Variants in GAS7 observed in about 807,000 individuals in gnomAD.
The protein encoded by GAS7 is growth arrest specific 7, also known as growth arrest-specific protein 7.
A neutral mutation model predicts 71.1 loss-of-function variants in GAS7; 28 were observed. That is an observed-to-expected ratio of 0.39 (90% CI 0.29 to 0.54). The LOEUF is 0.54. Among genes scored for constraint, GAS7 ranks in the 20% least tolerant of loss-of-function variants. GAS7 has a pLI of 0.62. For synonymous variants in GAS7, 258 were observed against 245.8 expected, an observed-to-expected ratio of 1.05 and a Z score of -0.46; for missense variants, 436 against 627.8, an observed-to-expected ratio of 0.69 and a Z score of 3.27.
intron 11 of GAS7, chr17:9,924,881 T>C (rs1263304048): frequency 2.6e-5 from 4 of 152,208 alleles, no homozygotes. Flanking sequence ...CCAGGCCTTC[T>C]CTTCCTCTTT....
rs2067471952 is a variant in GAS7, at chr17:9,912,728, G to A, written c.*4500C>T. 8.6e-6 allele frequency: 2 copies of A among 232,802 alleles called. No homozygotes were observed. The highest frequency in any genetic ancestry group is 1.1e-4 in the Admixed American group (2 of 17,770). 14.4% of individuals were successfully genotyped at this position (232,802 alleles called of 1,614,324 possible). Reference sequence around the variant, plus strand: ...TTGTGGGCACAGCTGGCATTTGGAGGAGGAGCCTGGGGAACTGAAGGAAGC... The same window carrying A: ...TTGTGGGCACAGCTGGCATTTGGAGAAGGAGCCTGGGGAACTGAAGGAAGC... On this transcript the variant is annotated 3_prime_UTR_variant, in exon 14 of 14. Coordinates refer to ENST00000432992, the MANE Select transcript of GAS7 (RefSeq NM_201433.2).
chr17:9,999,469 G>T (rs1197541633), intron 2 of GAS7, among the ~76,000 whole-genome samples: 1 of 151,824 alleles, frequency 6.6e-6, no homozygotes, highest in Non-Finnish European at 1.5e-5. Flanking sequence ...AGTGAGCCGA[G>T]ATTGTGCCAC....
chr17:9,947,061 C>T lies in GAS7; in HGVS notation c.526-78G>A, dbSNP rs576219627. On this transcript the variant is annotated intron_variant, in intron 5 of 13. Coordinates refer to ENST00000432992, the MANE Select transcript of GAS7 (RefSeq NM_201433.2). The stretch of plus-strand genomic sequence containing the variant: ...GGAAGGCTTCGGCTCCTGGGGGACA[C>T]GGCACTGGAGCAGCCTCCCTATTGA... 2.4e-4 allele frequency: 223 copies of T among 928,402 alleles called. No homozygotes were observed. In the East Asian group the frequency reaches 3.6e-3, roughly 15 times the overall value. The allele number at this position is 928,402 out of a possible 1,614,324, so 57.5% of individuals were successfully genotyped here.
At chr17:9,947,149 G>A (rs1339785995) in intron 5 of GAS7, among the ~76,000 whole-genome samples, 166 bp from the exon 6 acceptor site, 3 of 152,146 alleles carry the variant, frequency 2.0e-5, no homozygotes, top group Non-Finnish European at 4.4e-5. Context: ...GCGGCAACAG[G>A]TGCTCACCCC....
chr17:10,031,803 G>A (rs1332903272), intron 1 of GAS7, among the ~76,000 whole-genome samples: 2 of 152,244 alleles, frequency 1.3e-5, no homozygotes, highest in African/African-American at 4.8e-5. Context: ...CCCCAGCGGC[G>A]CCATACGGCA....
intron 1 of GAS7, among the ~76,000 whole-genome samples, chr17:10,148,614 G>GAA (rs539823559): frequency 4.3e-5 from 3 of 70,402 alleles, no homozygotes; most frequent in Non-Finnish European, 3.1e-5. Flanking sequence ...AAACACTCAA[G>GAA]AAAAAAAAAA....
intron 1 of GAS7, among the ~76,000 whole-genome samples, chr17:10,119,802 G>T (rs558180005): frequency 2.2e-4 from 34 of 152,322 alleles, no homozygotes; most frequent in Admixed American, 1.9e-3. Context: ...CAACGAGTGG[G>T]TCCTTCAGGC....
chr17:10,113,899 C>A (rs1020390890), intron 1 of GAS7, among the ~76,000 whole-genome samples: 1 of 152,090 alleles, frequency 6.6e-6, no homozygotes, highest in African/African-American at 2.4e-5. Flanking sequence ...GGTATACATA[C>A]TGACCAAACA....
In GAS7 at chr17:9,918,399, C is replaced by T. The variant is rs35384557; in HGVS notation, c.1219-300G>A. Among the ~76,000 whole-genome samples, 51,419 of 152,140 alleles carry T rather than the reference C, an allele frequency of 0.34. 10,636 individuals carry two copies. The highest frequency in any genetic ancestry group is 0.47 in the Non-Finnish European group (32,026 of 67,968). ...TCGTTTCTGTTATTATCCCCATTCT[C>T]CAAGCAAGGGAACTGGGGAACTAAC... On this transcript the variant is annotated intron_variant, in intron 12 of 13. Transcript: ENST00000432992.
Position 9,918,005 on chromosome 17 carries a change from T to C in GAS7, c.1313A>G (p.Gln438Arg). Residue 438 changes from glutamine to arginine, a missense_variant, in exon 13 of 14, where the codon CAA becomes CGA. Gln to Arg is a conservative substitution (Grantham distance 43). Coordinates refer to ENST00000432992, the MANE Select transcript of GAS7 (RefSeq NM_201433.2). ...CCCGCTGGGCTGGAAACTCACGCTT[T>C]GGTTGAACATGTCTGTTTCATGCCG... ...QLRHETDMFN[Q>R]STVEPVDQLL... 2 of 1,611,448 alleles carry C rather than the reference T, an allele frequency of 1.2e-6. No individual in the cohort carries two copies. Among genetic ancestry groups the C allele is most frequent in the Non-Finnish European group, 1.7e-6 (2 of 1,177,772 alleles).
chr17:10,092,851 T>G (rs1279915418), intron 1 of GAS7, among the ~76,000 whole-genome samples: 1 of 152,192 alleles, frequency 6.6e-6, no homozygotes. Flanking sequence ...CACCTTCTCC[T>G]CTGTATGTGT....
chr17:10,133,460 T>C (rs2074014850), intron 1 of GAS7, among the ~76,000 whole-genome samples: 1 of 152,116 alleles, frequency 6.6e-6, no homozygotes, highest in Non-Finnish European at 1.5e-5. Flanking sequence ...ATTGTATATA[T>C]TTATGGTGTA....
At chr17:9,989,475 C>T (rs944250202) in intron 2 of GAS7, among the ~76,000 whole-genome samples, 6 of 152,094 alleles carry the variant, frequency 3.9e-5, no homozygotes, top group African/African-American at 1.5e-4. Context: ...TATGCCATTC[C>T]ATCTTTAGTT....
At chr17:9,918,676 G>C (rs903572974) in intron 12 of GAS7, among the ~76,000 whole-genome samples, 1 of 152,226 alleles carries the variant, frequency 6.6e-6, no homozygotes, top group African/African-American at 2.4e-5. Flanking sequence ...GGCCGCAATA[G>C]AGACCGGGCC....
intron 1 of GAS7, among the ~76,000 whole-genome samples, chr17:10,178,828 G>C (rs1206315546): frequency 6.8e-6 from 1 of 147,874 alleles, no homozygotes; most frequent in Non-Finnish European, 1.5e-5. Context: ...TGTCACGGCA[G>C]ACAGCGGAGG....
chr17:10,179,392 A>G (rs1005741349), intron 1 of GAS7, among the ~76,000 whole-genome samples: 7 of 152,026 alleles, frequency 4.6e-5, no homozygotes, highest in African/African-American at 1.7e-4. Context: ...ATTTTCCCTT[A>G]TACCAAGCAG....
chr17:10,129,417 C>T (rs1264300230), intron 1 of GAS7, among the ~76,000 whole-genome samples: 1 of 152,092 alleles, frequency 6.6e-6, no homozygotes, highest in Admixed American at 6.6e-5. Flanking sequence ...TGCCTGTAGT[C>T]CCAGCTACTT....
At chr17:10,031,264 A>AAT (rs1266291563) in intron 1 of GAS7, among the ~76,000 whole-genome samples, 1 of 152,206 alleles carries the variant, frequency 6.6e-6, no homozygotes, top group Admixed American at 6.5e-5. Context: ...GACACAGAAC[A>AAT]ATAGACTCTG....
chr17:10,044,502 T>A (rs924042502), intron 1 of GAS7, among the ~76,000 whole-genome samples: 1 of 152,248 alleles, frequency 6.6e-6, no homozygotes, highest in Admixed American at 6.5e-5. Flanking sequence ...GGTAAAATTT[T>A]AAAAATTTTA....
Sources: allele counts gnomAD v4.1 joint callset (sites outside exome capture counted in the v4.1 genomes callset), GRCh38; gene constraint gnomAD v4.1.1; transcripts MANE v1.5; gene names NCBI Gene and HGNC (gene_info 2026-07-23, HGNC 2026-07-21).